Variants in ENTREP2 observed in about 807,000 individuals in gnomAD.
ENTREP2 encodes the protein protein ENTREP2.
chr15:29,215,565 T>A, the ENTREP2 span, among the ~76,000 whole-genome samples: 1 of 132,838 alleles, frequency 7.5e-6, no homozygotes, highest in African/African-American at 2.8e-5. Flanking sequence ...AATAATAAAC[T>A]CAAATATATA....
At chr15:29,251,584 T>C in the ENTREP2 span, among the ~76,000 whole-genome samples, 1 of 152,284 alleles carries the variant, frequency 6.6e-6, no homozygotes, top group South Asian at 2.1e-4. Context: ...TAGTGTATTT[T>C]ATATGTGGCC....
chr15:29,379,047 T>C, the ENTREP2 span, among the ~76,000 whole-genome samples: 533 of 152,248 alleles, frequency 3.5e-3, no homozygotes, highest in African/African-American at 0.012. Context: ...ATGGTACAGA[T>C]AAAAAACTAC....
the ENTREP2 span, among the ~76,000 whole-genome samples, chr15:29,507,729 G>A: frequency 3.5e-4 from 54 of 152,274 alleles, no homozygotes; most frequent in Non-Finnish European, 7.1e-4. Flanking sequence ...CAACGTACCA[G>A]AATCTCTGGG....
the ENTREP2 span, among the ~76,000 whole-genome samples, chr15:29,446,668 AG>A: frequency 2.0e-5 from 3 of 152,318 alleles, no homozygotes; most frequent in Admixed American, 6.5e-5. Context: ...ATTACCTCAA[AG>A]TCAGCAGCTT....
the ENTREP2 span, among the ~76,000 whole-genome samples, chr15:29,226,616 T>C: frequency 2.0e-5 from 3 of 152,210 alleles, no homozygotes; most frequent in Non-Finnish European, 2.9e-5. Context: ...TCCTGTAATT[T>C]ATTACTCAGG....
the ENTREP2 span, among the ~76,000 whole-genome samples, chr15:29,458,464 T>C: frequency 5.3e-5 from 8 of 152,064 alleles, no homozygotes; most frequent in Non-Finnish European, 8.8e-5. Context: ...ACGGGCACGG[T>C]AGAGAAGGAA....
chr15:29,454,738 G>A, the ENTREP2 span, among the ~76,000 whole-genome samples: 1 of 152,118 alleles, frequency 6.6e-6, no homozygotes, highest in East Asian at 1.9e-4. Context: ...ACTCCCCAGT[G>A]GTCCCTGGAG....
chr15:29,286,910 T>C, the ENTREP2 span, among the ~76,000 whole-genome samples: 2 of 152,234 alleles, frequency 1.3e-5, no homozygotes, highest in South Asian at 4.1e-4. Flanking sequence ...TTCCCTCATC[T>C]AATTATGTTT....
At chr15:29,356,294 ATATTTTTTTTTTTT>A in the ENTREP2 span, among the ~76,000 whole-genome samples, 6 of 48,642 alleles carry the variant, frequency 1.2e-4, no homozygotes, top group African/African-American at 5.1e-4. Flanking sequence ...ATATATATAT[ATATTTTTTTTTTTT>A]TTTTTTTTTT....
At chr15:29,332,971 A>C in the ENTREP2 span, among the ~76,000 whole-genome samples, 227 of 152,110 alleles carry the variant, frequency 1.5e-3, no homozygotes, top group Non-Finnish European at 2.7e-3. Context: ...AAAAAAAAAA[A>C]AAAAAAACCC....
the ENTREP2 span, among the ~76,000 whole-genome samples, chr15:29,311,070 T>C: frequency 1.4e-3 from 214 of 147,834 alleles, 1 homozygote; most frequent in East Asian, 0.033. Context: ...CGTAAGGAGA[T>C]TGGGAATTTT....
chr15:29,301,356 TCTG>T, the ENTREP2 span, among the ~76,000 whole-genome samples: 1 of 152,382 alleles, frequency 6.6e-6, no homozygotes, highest in South Asian at 2.1e-4. Flanking sequence ...ATATTTTCTA[TCTG>T]CTAAGGCAGA....
chr15:29,610,624 C>A, the ENTREP2 span: 7 of 150,700 alleles, frequency 4.6e-5, no homozygotes. Flanking sequence ...TGCTGTTATT[C>A]CCTAAGTTCA....
the ENTREP2 span, among the ~76,000 whole-genome samples, chr15:29,220,372 G>T: frequency 6.6e-6 from 1 of 152,168 alleles, no homozygotes. Flanking sequence ...TTAAACGCAC[G>T]TTATTTTTGG....
chr15:29,377,303 G>C, the ENTREP2 span, among the ~76,000 whole-genome samples: 7 of 152,038 alleles, frequency 4.6e-5, no homozygotes, highest in African/African-American at 1.7e-4. Context: ...TCCATTTTGT[G>C]GTCCCTGGGA....
the ENTREP2 span, among the ~76,000 whole-genome samples, chr15:29,617,525 C>A: frequency 9.1e-4 from 138 of 152,332 alleles, no homozygotes; most frequent in African/African-American, 3.2e-3. Flanking sequence ...TCAAGTTGAC[C>A]TGTGACATTA....
At chr15:29,159,917 C>T in the ENTREP2 span, among the ~76,000 whole-genome samples, 158 of 152,390 alleles carry the variant, frequency 1.0e-3, no homozygotes, top group African/African-American at 3.5e-3. Context: ...CCGCGCTGTG[C>T]GCCTGCACTC....
chr15:29,191,022 C>T, the ENTREP2 span, among the ~76,000 whole-genome samples: 4 of 152,148 alleles, frequency 2.6e-5, no homozygotes, highest in Admixed American at 2.6e-4. Flanking sequence ...AGAGTGGCTC[C>T]ATTTCCAATG....
the ENTREP2 span, among the ~76,000 whole-genome samples, chr15:29,451,290 G>GGCCCTCT: frequency 1.6e-3 from 250 of 152,162 alleles, no homozygotes; most frequent in African/African-American, 5.8e-3. Flanking sequence ...CTCGGCCCTC[G>GGCCCTCT]GCCCTCGCCT....
Sources: gnomAD v4.1 joint callset for allele counts (sites outside exome capture counted in the v4.1 genomes callset) on GRCh38, gnomAD v4.1.1 for gene constraint, MANE v1.5 for transcripts, NCBI Gene and HGNC (gene_info 2026-07-23, HGNC 2026-07-21) for gene names.